AIFM1: variants seen among roughly 807,000 people sequenced by gnomAD.
AIFM1 encodes the protein apoptosis-inducing factor 1, mitochondrial.
In AIFM1, 3 loss-of-function variants were observed where a neutral mutation model predicts 51.7. That is an observed-to-expected ratio of 0.06 (90% CI 0.03 to 0.15). AIFM1 has a LOEUF of 0.15. Among genes scored for constraint, AIFM1 ranks in the 10% least tolerant of loss-of-function variants. The probability of loss-of-function intolerance (pLI) is 1.00; values close to 1 mark genes in which losing one functional copy is unlikely to be tolerated. For synonymous variants in AIFM1, 178 were observed against 179.4 expected (o/e 0.99, Z 0.06); for missense variants, 330 against 476.8 (o/e 0.69, Z 2.87).
intron 7 of AIFM1, 70 bp from the exon 8 acceptor site, chrX:130,139,941 C>CTTTGTGTGGTGGAGGG: frequency 8.7e-6 from 8 of 917,755 alleles, no homozygotes; most frequent in Non-Finnish European, 1.3e-5. Context: ...CTCCCTCCAC[C>CTTTGTGTGGTGGAGGG]ACACAAAGGT....
chrX:130,144,497 C>T, intron 6 of AIFM1, among the ~76,000 whole-genome samples: 1 of 111,723 alleles, frequency 9.0e-6, no homozygotes, highest in Non-Finnish European at 1.9e-5. Context: ...ACCAAACATG[C>T]TTTTTTGTGC....
chrX:130,130,660 C>T (rs191278582), intron 14 of AIFM1, among the ~76,000 whole-genome samples: 16 of 112,693 alleles, frequency 1.4e-4, no homozygotes, highest in Admixed American at 7.5e-4. Flanking sequence ...TGGTGGCTAA[C>T]GTACTGGACA....
intron 2 of AIFM1, chrX:130,155,179 C>T: frequency 8.3e-7 from 1 of 1,211,688 alleles, no homozygotes; most frequent in Non-Finnish European, 1.1e-6. Context: ...GCCCCAGTGA[C>T]TGTTGCTCCT....
chrX:130,159,734 CTGATAA>C (rs1284789690), intron 1 of AIFM1, among the ~76,000 whole-genome samples: 1 of 107,607 alleles, frequency 9.3e-6, no homozygotes, highest in Non-Finnish European at 1.9e-5. Context: ...TTTTCACAAA[CTGATAA>C]TACTAACAGT....
chrX:130,147,690 C>A, intron 4 of AIFM1, 62 bp downstream of exon 4: 2 of 1,210,658 alleles, frequency 1.7e-6, no homozygotes, highest in Non-Finnish European at 2.2e-6. Flanking sequence ...TCAAAGCATT[C>A]ACATTAGCTA....
intron 2 of AIFM1, chrX:130,155,148 C>A (rs774199962): frequency 3.3e-6 from 4 of 1,210,772 alleles, no homozygotes; most frequent in Non-Finnish European, 4.5e-6. Flanking sequence ...TTAGTGTAAG[C>A]ATCTTACATA....
Position 130,134,316 on chromosome X carries a change from A to G in AIFM1, c.1306-861T>C, listed in dbSNP as rs181524814. On this transcript the variant is annotated intron_variant, in intron 12 of 15. Transcript: ENST00000287295. ...TCTATAGTTTTGTTTACTTATGTCT[A>G]CTTCCTGTTCTTTCCTTAACAGACA... 6.4e-4 allele frequency among the ~76,000 whole-genome samples: 71 copies of G among 111,329 alleles called. 1 individual carries two copies. The highest frequency in any genetic ancestry group is 4.6e-3 in the Middle Eastern group (1 of 216).
intron 12 of AIFM1, 108 bp from the exon 13 acceptor site, chrX:130,133,563 T>C (rs2030194904): frequency 5.1e-6 from 5 of 974,324 alleles, no homozygotes; most frequent in Non-Finnish European, 7.2e-6. Context: ...TGGTAACTAA[T>C]TCATGTTTTC....
chrX:130,129,674 G>T (rs752965826), intron 15 of AIFM1, 46 bp from the exon 16 acceptor site: 1 of 1,117,178 alleles, frequency 9.0e-7, no homozygotes. Context: ...ACTCCATTGC[G>T]TTCAGGCCAT....
chrX:130,138,570 C>G (rs1248227262), intron 9 of AIFM1, 23 bp downstream of exon 9: 4 of 1,099,212 alleles, frequency 3.6e-6, no homozygotes, highest in Non-Finnish European at 5.0e-6. Flanking sequence ...GAAAGAAAAT[C>G]AAGGTCACTC....
In AIFM1 at chrX:130,137,889, C is replaced by T. The variant is rs376050425; in HGVS notation, c.967+704G>A. Reference sequence around the variant, plus strand: ...ACCAGCCTGACCAACATGGAGAAACCCTGTCTCTACCAAAAATACAAAATT... The same window carrying T: ...ACCAGCCTGACCAACATGGAGAAACTCTGTCTCTACCAAAAATACAAAATT... On this transcript the variant is annotated intron_variant, in intron 9 of 15. Transcript: ENST00000287295. 3.7e-5 allele frequency: 11 copies of T among 301,061 alleles called. No homozygotes were observed. The East Asian group carries it at 7.8e-4, about 21-fold the overall frequency. 24.8% of individuals were successfully genotyped at this position (301,061 alleles called of 1,213,427 possible). A position where few individuals can be genotyped will look rare whatever the true frequency, so the allele number is the denominator to read the frequency against.
intron 2 of AIFM1, among the ~76,000 whole-genome samples, chrX:130,153,042 G>A (rs1003224464): frequency 1.0e-4 from 11 of 110,158 alleles, no homozygotes; most frequent in Non-Finnish European, 1.9e-4. Flanking sequence ...TTTAAAAGTC[G>A]ACAGTTTAGG....
intron 8 of AIFM1, among the ~76,000 whole-genome samples, chrX:130,139,315 G>A (rs1006547648): frequency 9.2e-6 from 1 of 108,612 alleles, no homozygotes; most frequent in Admixed American, 9.9e-5. Context: ...CTGGGTGATA[G>A]AGCGAGATTC....
At chrX:130,146,656 G>A (rs1454234977) in intron 5 of AIFM1, among the ~76,000 whole-genome samples, 1 of 110,611 alleles carries the variant, frequency 9.0e-6, no homozygotes, top group Non-Finnish European at 1.9e-5. Context: ...CAAAGAACAT[G>A]GTACTAGAAT....
intron 5 of AIFM1, 104 bp downstream of exon 5, chrX:130,147,389 C>T (rs2030794701): frequency 1.9e-6 from 2 of 1,059,769 alleles, no homozygotes; most frequent in Non-Finnish European, 1.3e-6. Context: ...TAGTGGACAG[C>T]CAAGCCATCC....
At chrX:130,142,950 T>C (rs1160857771) in intron 6 of AIFM1, among the ~76,000 whole-genome samples, 1 of 112,227 alleles carries the variant, frequency 8.9e-6, no homozygotes, top group Non-Finnish European at 1.9e-5. Context: ...TTTACGGTTC[T>C]TTTCTTCCCA....
intron 2 of AIFM1, among the ~76,000 whole-genome samples, chrX:130,151,978 G>T: frequency 9.1e-6 from 1 of 110,478 alleles, no homozygotes; most frequent in South Asian, 3.9e-4. Context: ...GGTGGCGGCT[G>T]CAGTGAGCCG....
chrX:130,137,390 C>T (rs928159906), intron 9 of AIFM1: 1 of 1,156,021 alleles, frequency 8.7e-7, no homozygotes, highest in Middle Eastern at 2.4e-4. Flanking sequence ...GGTATCAGAA[C>T]TGCTGGCCCC....
Position 130,165,554 on chromosome X carries a change from G to A in AIFM1, c.103C>T (p.Pro35Ser), listed in dbSNP as rs61730896. 1,159 of 1,189,312 alleles carry A rather than the reference G, an allele frequency of 9.7e-4. 6 individuals are homozygous for A. The African/African-American group carries it at 0.018, about 18-fold the overall frequency. The change falls in exon 1 of 16, where the codon CCA becomes TCA. Residue 35 changes from proline to serine, a missense_variant. Physicochemically the swap from Pro to Ser is moderately conservative, Grantham distance 74. Around this residue, in one of 4 missense-constraint regions of AIFM1, gnomAD observed 110 missense variants for 103.1 expected, o/e 1.07. Transcript: ENST00000287295. ...VRSPRQRNRL[P>S]GNLFQRWHVP... ...TTGCCTGGAATGGGTCAGTCACCTGGGAGCCGGTTCCTCTGCCTCGGGCTT... is the reference window on the plus strand; with the variant it reads ...TTGCCTGGAATGGGTCAGTCACCTGAGAGCCGGTTCCTCTGCCTCGGGCTT...
Sources: gnomAD v4.1 joint callset for allele counts (sites outside exome capture counted in the v4.1 genomes callset) on GRCh38, gnomAD v4.1.1 for gene constraint, gnomAD v4.1.1 regional missense constraint, MANE v1.5 for transcripts, NCBI Gene and HGNC (gene_info 2026-07-23, HGNC 2026-07-21) for gene names.